The following CTNND2 variants were observed in gnomAD, a reference collection of about 807,000 sequenced individuals.
The protein encoded by CTNND2 is catenin delta 2.
A neutral mutation model predicts 144.4 loss-of-function variants in CTNND2; 22 were observed. The ratio of observed to expected loss-of-function variants is 0.15; its 90% confidence interval spans 0.11 to 0.22. CTNND2 has a LOEUF of 0.22. Among genes scored for constraint, CTNND2 ranks in the 10% least tolerant of loss-of-function variants. The pLI, the probability that CTNND2 is intolerant of heterozygous loss-of-function variation, is 1.00. For missense variants in CTNND2, 1,353 were observed against 1,618.8 expected (o/e 0.84, Z 2.82); for synonymous variants, 751 against 695.6 (o/e 1.08, Z -1.25).
chr5:11,532,360 T>C (rs1341330080), intron 3 of CTNND2, among the ~76,000 whole-genome samples: 1 of 138,146 alleles, frequency 7.2e-6, no homozygotes, highest in Non-Finnish European at 1.5e-5. Flanking sequence ...CTATTCTCCG[T>C]ATCTTAGTCG....
intron 18 of CTNND2, among the ~76,000 whole-genome samples, chr5:11,009,833 T>C (rs1330966680): frequency 6.6e-6 from 1 of 152,152 alleles, no homozygotes; most frequent in Non-Finnish European, 1.5e-5. Context: ...TTTGCACAAT[T>C]GATTTTTGCT....
chr5:11,497,592 GC>G (rs796392892), intron 3 of CTNND2, among the ~76,000 whole-genome samples: 18 of 147,516 alleles, frequency 1.2e-4, no homozygotes, highest in African/African-American at 4.5e-4. Flanking sequence ...TGAAATATCT[GC>G]TGGGGATACT....
At chr5:11,178,056 G>A (rs929377681) in intron 11 of CTNND2, among the ~76,000 whole-genome samples, 9 of 152,172 alleles carry the variant, frequency 5.9e-5, no homozygotes, top group Middle Eastern at 3.2e-3. Context: ...AAGACACAAA[G>A]TTGGCTTAGG....
Position 10,988,342 on chromosome 5 carries a change from C to A in CTNND2, c.3212-100G>T. The A allele has an allele frequency of 7.0e-7, 1 of 1,437,300 alleles. No homozygotes were observed. The highest frequency in any genetic ancestry group is 9.6e-7 in the Non-Finnish European group (1 of 1,043,492). 89.0% of individuals were successfully genotyped at this position (1,437,300 alleles called of 1,614,324 possible). On this transcript the variant is annotated intron_variant, in intron 19 of 21. Coordinates refer to ENST00000304623, the MANE Select transcript of CTNND2 (RefSeq NM_001332.4). This position sits in a 1 kb window ranked among gnomAD's most constrained non-coding sequence, Gnocchi z 5.9. Reference sequence around the variant, plus strand: ...CCTCACTATGCATGGTCCCGCATCTCAATGCCTACGTGAGGACCTGATGGG... The same window carrying A: ...CCTCACTATGCATGGTCCCGCATCTAAATGCCTACGTGAGGACCTGATGGG...
rs62338659 is a variant in CTNND2 at position 11,665,835 on chromosome 5, C to T, written c.174+66301G>A. 5.5e-3 allele frequency among the ~76,000 whole-genome samples: 830 copies of T among 152,204 alleles called. 5 individuals are homozygous for T. Among genetic ancestry groups the T allele is most frequent in the Non-Finnish European group, 9.5e-3 (644 of 68,006 alleles). ...CATTTGCTTTGTCCTTCCAAGTGGA[C>T]CACAAGGGTTATCCTCCTGTTTCAT... On this transcript the variant is annotated intron_variant, in intron 2 of 21. Transcript: ENST00000304623.
intron 11 of CTNND2, among the ~76,000 whole-genome samples, chr5:11,160,428 T>G (rs1326711845): frequency 6.6e-6 from 1 of 152,236 alleles, no homozygotes; most frequent in Non-Finnish European, 1.5e-5. Flanking sequence ...GTCACAGTAA[T>G]TCATGCAGGC....
intron 2 of CTNND2, among the ~76,000 whole-genome samples, chr5:11,724,391 A>C (rs1244363443): frequency 6.6e-6 from 1 of 152,188 alleles, no homozygotes; most frequent in African/African-American, 2.4e-5. Flanking sequence ...TTGAAGAATA[A>C]ATTGCCTCTG....
intron 1 of CTNND2, among the ~76,000 whole-genome samples, chr5:11,797,504 A>G (rs1175338380): frequency 1.3e-5 from 2 of 152,132 alleles, no homozygotes; most frequent in African/African-American, 4.8e-5. Flanking sequence ...TAGAGTAACC[A>G]AGTGTAAGCT....
intron 11 of CTNND2, among the ~76,000 whole-genome samples, chr5:11,193,085 C>G (rs1024222838): frequency 6.6e-6 from 1 of 152,142 alleles, no homozygotes. Context: ...CCAATTCCAG[C>G]GTGAGGCAGC....
At chr5:11,376,512 T>C (rs1409408327) in intron 7 of CTNND2, among the ~76,000 whole-genome samples, 2 of 152,140 alleles carry the variant, frequency 1.3e-5, no homozygotes, top group African/African-American at 4.8e-5. Flanking sequence ...CTTTCCACAG[T>C]GTCAAGGGCA....
At chr5:11,730,888 A>G (rs1000610648) in intron 2 of CTNND2, among the ~76,000 whole-genome samples, 1 of 152,192 alleles carries the variant, frequency 6.6e-6, no homozygotes, top group African/African-American at 2.4e-5. Flanking sequence ...AGACTTCCAG[A>G]TCACACATGA....
chr5:10,974,463 C>G (rs1306342089), intron 21 of CTNND2, among the ~76,000 whole-genome samples: 1 of 152,140 alleles, frequency 6.6e-6, no homozygotes. Context: ...TTGATGGACG[C>G]TTGGGTTATT....
chr5:11,703,982 T>C (rs962849312), intron 2 of CTNND2, among the ~76,000 whole-genome samples: 9 of 152,218 alleles, frequency 5.9e-5, no homozygotes, highest in African/African-American at 2.2e-4. Context: ...ATAGAGTGTC[T>C]TAACAATACG....
intron 18 of CTNND2, among the ~76,000 whole-genome samples, chr5:11,016,632 G>T (rs1217938359): frequency 6.6e-6 from 1 of 152,192 alleles, no homozygotes; most frequent in Non-Finnish European, 1.5e-5. Context: ...GTGGCCAGGG[G>T]GCTGCAGGTG....
intron 16 of CTNND2, among the ~76,000 whole-genome samples, chr5:11,064,921 TG>T (rs1379512148): frequency 6.6e-5 from 10 of 152,364 alleles, no homozygotes; most frequent in Middle Eastern, 3.4e-3. Context: ...CAGTTCAAGC[TG>T]GTCGCTCAGC....
intron 1 of CTNND2, among the ~76,000 whole-genome samples, chr5:11,776,791 AG>A (rs1224958676): frequency 1.3e-5 from 2 of 152,244 alleles, no homozygotes; most frequent in Admixed American, 1.3e-4. Flanking sequence ...CTTTAAAAAA[AG>A]GCATAATGTT....
At chr5:10,989,660 G>A (rs1019882191) in intron 19 of CTNND2, among the ~76,000 whole-genome samples, 4 of 152,194 alleles carry the variant, frequency 2.6e-5, no homozygotes, top group African/African-American at 9.6e-5. Flanking sequence ...ACTGAGTCAT[G>A]TGATTCAGTT....
At chr5:11,743,985 G>A (rs1270493358) in intron 1 of CTNND2, among the ~76,000 whole-genome samples, 1 of 152,256 alleles carries the variant, frequency 6.6e-6, no homozygotes, top group African/African-American at 2.4e-5. Context: ...ATGTGTGAAG[G>A]TAAAAAGGAA....
intron 16 of CTNND2, among the ~76,000 whole-genome samples, chr5:11,075,817 G>T (rs1748886261): frequency 1.3e-5 from 2 of 152,242 alleles, no homozygotes; most frequent in African/African-American, 4.8e-5. Context: ...ATTAGAGTCT[G>T]GATTTGAGAG....
Sources: gnomAD v4.1 joint callset for allele counts (sites outside exome capture counted in the v4.1 genomes callset) on GRCh38, gnomAD v4.1.1 for gene constraint, Gnocchi (gnomAD v3.1) non-coding constraint, MANE v1.5 for transcripts, NCBI Gene and HGNC (gene_info 2026-07-23, HGNC 2026-07-21) for gene names.